Variants in FAN1 observed in about 807,000 individuals in gnomAD.
FAN1 encodes the protein fanconi-associated nuclease 1.
In FAN1, 91 loss-of-function variants were observed where a neutral mutation model predicts 104.9. The observed-to-expected ratio is 0.87, with a 90% CI of 0.73 to 1.03. FAN1 has a LOEUF of 1.03. Ranked by LOEUF, FAN1 falls within the 50% of genes least tolerant of loss-of-function variation. FAN1 has a pLI of 0.00. For missense variants in FAN1, 1,263 were observed against 1,239.9 expected, an observed-to-expected ratio of 1.02 and a Z score of -0.28; for synonymous variants, 478 against 457.6, an observed-to-expected ratio of 1.04 and a Z score of -0.57.
intron 13 of FAN1, among the ~76,000 whole-genome samples, chr15:30,930,913 T>G (rs1413267814): frequency 6.6e-6 from 1 of 152,130 alleles, no homozygotes; most frequent in Non-Finnish European, 1.5e-5. Flanking sequence ...GATGTGGACA[T>G]GATGTTCCAT....
At position 30,905,733 on chromosome 15, in the gene FAN1, T is replaced by C. The variant is rs751500554; in HGVS notation, c.1070T>C (p.Leu357Ser). 1.9e-6 allele frequency: 3 copies of C among 1,614,102 alleles called. No individual in the cohort carries two copies. The highest frequency in any genetic ancestry group is 2.2e-5 in the East Asian group (1 of 44,906). Residue 357 changes from leucine (L) to serine (S), a missense_variant, in exon 2 of 15, where the codon TTG (leucine) becomes TCG (serine). Around this residue, in one of 2 missense-constraint regions of FAN1, gnomAD observed 682 missense variants for 571.1 expected, o/e 1.19. Coordinates refer to ENST00000362065, the MANE Select transcript of FAN1 (RefSeq NM_014967.5). ...AATGATATCCCTCACAGCATTCCTT[T>C]GGAGCAGGGGTCAAGCTGCAATGGT... ...LNNDIPHSIP[L>S]EQGSSCNGPG...
chr15:30,918,778 A>G (rs2955797), intron 6 of FAN1, among the ~76,000 whole-genome samples: 99,543 of 152,080 alleles, frequency 0.65, 33,165 homozygotes, highest in East Asian at 0.98. Context: ...TTCAATATTT[A>G]TTAAGACATT....
rs745320524 is a variant in FAN1, at chr15:30,908,239, T to G, written c.1356T>G (p.Asn452Lys). Residue 452 changes from asparagine to lysine, a missense_variant, in exon 3 of 15, where the codon AAT (asparagine) becomes AAG (lysine). Asn to Lys is a moderately conservative substitution (Grantham distance 94, BLOSUM62 0). Transcript: ENST00000362065. Reference protein sequence around the residue: ...DLTPVIEELTNAGFLQTESEL... With the variant: ...DLTPVIEELTKAGFLQTESEL... ...CACCTGTGATTGAAGAATTGACGAATGCAGGCTTTCTACAGACAGGTATGA... is the reference window on the plus strand; with the variant it reads ...CACCTGTGATTGAAGAATTGACGAAGGCAGGCTTTCTACAGACAGGTATGA... The G allele has an allele frequency of 8.1e-5, 130 of 1,606,640 alleles. 1 individual carries two copies. In the South Asian group the frequency reaches 1.3e-3, roughly 17 times the overall value.
intron 3 of FAN1, among the ~76,000 whole-genome samples, chr15:30,910,192 C>A (rs942738890): frequency 6.6e-6 from 1 of 152,200 alleles, no homozygotes; most frequent in African/African-American, 2.4e-5. Flanking sequence ...AACAGGCTCA[C>A]GAATGCCGAG....
At chr15:30,935,680 G>A (rs576797466) in intron 13 of FAN1, among the ~76,000 whole-genome samples, 6 of 152,250 alleles carry the variant, frequency 3.9e-5, no homozygotes, top group Admixed American at 3.9e-4. Flanking sequence ...CTGAGGGATG[G>A]CTGTATTTAG....
In FAN1 at chr15:30,939,592, C is replaced by T. The variant is rs998688332; in HGVS notation, c.*4-1974C>T. The T allele has an allele frequency of 6.4e-6, 6 of 940,760 alleles. No individual in the cohort carries two copies. In the African/African-American group the frequency reaches 1.1e-4, roughly 17 times the overall value. 58.3% of individuals were successfully genotyped at this position (940,760 alleles called of 1,614,324 possible). A position where few individuals can be genotyped will look rare whatever the true frequency, so the allele number is the denominator to read the frequency against. On this transcript the variant is annotated intron_variant, in intron 14 of 14. Coordinates refer to ENST00000362065, the MANE Select transcript of FAN1 (RefSeq NM_014967.5). ...AAATATGCATTTTTCTATTTTTAAC[C>T]ATTATTAATAGTACCTAATATTTTT...
chr15:30,905,217 A>T lies in FAN1; in HGVS notation c.554A>T (p.Lys185Ile), dbSNP rs779675652. 8.1e-6 allele frequency: 13 copies of T among 1,613,934 alleles called. No individual in the cohort carries two copies. Among genetic ancestry groups the T allele is most frequent in the Non-Finnish European group, 1.1e-5 (13 of 1,179,962 alleles). Reference protein sequence around the residue: ...EFAGSSPQSSKSTVVKSLIDN... With the variant: ...EFAGSSPQSSISTVVKSLIDN... The stretch of plus-strand genomic sequence containing the variant: ...GCCGGTTCTAGTCCACAGAGTTCCA[A>T]ATCCACAGTTGTTAAGAGCCTGATT... Residue 185 changes from lysine to isoleucine, a missense_variant, in exon 2 of 15, where the codon AAA becomes ATA. By Grantham distance (102) the Lys-to-Ile change is moderately radical. Around this residue, in one of 2 missense-constraint regions of FAN1, gnomAD observed 682 missense variants for 571.1 expected, o/e 1.19. Transcript: ENST00000362065.
chr15:30,922,559 T>G (rs1190708776), intron 8 of FAN1, among the ~76,000 whole-genome samples: 1 of 152,196 alleles, frequency 6.6e-6, no homozygotes, highest in South Asian at 2.1e-4. Flanking sequence ...GAAGCTTTTG[T>G]CTTCTCTTTG....
chr15:30,942,048 C>T lies in FAN1; in HGVS notation c.*486C>T. ...CCATTCTTTAAGGCAGACGGCATTC[C>T]TCTTAGTGTGGAGCTGTAGCTTTTC... On this transcript the variant is annotated 3_prime_UTR_variant, in exon 15 of 15. Coordinates refer to ENST00000362065, the MANE Select transcript of FAN1 (RefSeq NM_014967.5). 6.2e-7 allele frequency: 1 copy of T among 1,613,836 alleles called. No homozygotes were observed. Among genetic ancestry groups the T allele is most frequent in the Non-Finnish European group, 8.5e-7 (1 of 1,179,804 alleles).
chr15:30,943,093 T>TA lies in FAN1; in HGVS notation c.*1532dup. The TA allele has an allele frequency of 6.5e-7, 1 of 1,529,348 alleles. No individual in the cohort carries two copies. Among genetic ancestry groups the TA allele is most frequent in the South Asian group, 1.2e-5 (1 of 80,250 alleles). The allele number at this position is 1,529,348 out of a possible 1,614,324, so 94.7% of individuals were successfully genotyped here. On this transcript the variant is annotated 3_prime_UTR_variant, in exon 15 of 15. Coordinates refer to ENST00000362065, the MANE Select transcript of FAN1 (RefSeq NM_014967.5). Reference sequence around the variant, plus strand: ...AATTCCTGCAAAATAAATAAATAAATATTTGCAAAACTAAAGATTCTCTCA... The same window carrying TA: ...AATTCCTGCAAAATAAATAAATAAATAATTTGCAAAACTAAAGATTCTCTCA...
chr15:30,916,458 C>T (rs752327485), intron 5 of FAN1, among the ~76,000 whole-genome samples: 9 of 152,118 alleles, frequency 5.9e-5, no homozygotes, highest in South Asian at 4.1e-4. Flanking sequence ...CCATGGTTGA[C>T]AAGTTCAAAA....
chr15:30,925,070 A>G (rs1047226863), intron 8 of FAN1, 57 bp from the exon 9 acceptor site: 8 of 1,541,094 alleles, frequency 5.2e-6, no homozygotes, highest in Admixed American at 2.0e-5. Context: ...AACTAAATGC[A>G]TGGAAGCCGC....
intron 8 of FAN1, among the ~76,000 whole-genome samples, chr15:30,924,483 C>T (rs751052616): frequency 2.6e-5 from 4 of 152,178 alleles, no homozygotes; most frequent in Non-Finnish European, 5.9e-5. Context: ...TCTCTACCTC[C>T]TTGTCAATGC....
At position 30,928,647 on chromosome 15, in the gene FAN1, C is replaced by A; in HGVS notation, c.2583C>A (p.Asn861Lys). The A allele has an allele frequency of 6.2e-7, 1 of 1,613,970 alleles. No individual in the cohort carries two copies. The highest frequency in any genetic ancestry group is 8.5e-7 in the Non-Finnish European group (1 of 1,179,984). ...FMDGIPDVFRNACQAFPLDLC... is the reference protein window; with the variant it reads ...FMDGIPDVFRKACQAFPLDLC... ...ATGGGATTCCGGATGTCTTCAGAAA[C>A]GCCTGTCAGGTACTCCAGTGCCCCT... Residue 861 changes from asparagine (N) to lysine (K), a missense_variant, in exon 11 of 15, where the codon AAC (asparagine) becomes AAA (lysine). Asn to Lys is a moderately conservative substitution (Grantham distance 94). Around this residue, in one of 2 missense-constraint regions of FAN1, gnomAD observed 581 missense variants for 668.8 expected, o/e 0.87. Transcript: ENST00000362065.
intron 14 of FAN1, chr15:30,939,822 G>GA: frequency 1.0e-6 from 1 of 985,198 alleles, no homozygotes; most frequent in Non-Finnish European, 1.2e-6. Context: ...TTCTAATCAA[G>GA]GACTGTAAAA....
At chr15:30,913,771 CTTTAT>C in intron 4 of FAN1, 82 bp from the exon 5 acceptor site, 1 of 898,924 alleles carries the variant, frequency 1.1e-6, no homozygotes, top group Non-Finnish European at 1.7e-6. Flanking sequence ...TGTCATTTCT[CTTTAT>C]TTTAGATGAA....
rs983684737 is a variant in FAN1 at position 30,942,963 on chromosome 15, T to C, written c.*1401T>C. ...GCTCTTTCCAATGTAGAAGGGGTTA[T>C]GGAAAAGGGTGCGATCCTTTGCTGT... is the stretch of plus-strand genomic sequence containing the variant. On this transcript the variant is annotated 3_prime_UTR_variant, in exon 15 of 15. Transcript: ENST00000362065. The C allele has an allele frequency of 6.4e-7, 1 of 1,559,466 alleles. No homozygotes were observed. The highest frequency in any genetic ancestry group is 8.7e-7 in the Non-Finnish European group (1 of 1,150,012).
chr15:30,943,070 T>A lies in FAN1; in HGVS notation c.*1508T>A. ...ATTGGATGTTTTTGCTTATAGCAAATTCCTGCAAAATAAATAAATAAATAT... is the reference window on the plus strand; with the variant it reads ...ATTGGATGTTTTTGCTTATAGCAAAATCCTGCAAAATAAATAAATAAATAT... On this transcript the variant is annotated 3_prime_UTR_variant, in exon 15 of 15. Coordinates refer to ENST00000362065, the MANE Select transcript of FAN1 (RefSeq NM_014967.5). 1 of 1,526,728 alleles carries A rather than the reference T, an allele frequency of 6.5e-7. No individual in the cohort carries two copies. The highest frequency in any genetic ancestry group is 8.8e-7 in the Non-Finnish European group (1 of 1,140,376). The allele number at this position is 1,526,728 out of a possible 1,614,324, so 94.6% of individuals were successfully genotyped here. A position where few individuals can be genotyped will look rare whatever the true frequency, so the allele number is the denominator to read the frequency against.
chr15:30,926,840 A>G (rs868018392), intron 10 of FAN1: 1 of 985,078 alleles, frequency 1.0e-6, no homozygotes, highest in East Asian at 1.1e-4. Flanking sequence ...AGTAGAAACT[A>G]TTTTTCCCTG....
Sources: allele counts gnomAD v4.1 joint callset (sites outside exome capture counted in the v4.1 genomes callset), GRCh38; gene constraint gnomAD v4.1.1; regional missense constraint gnomAD v4.1.1; transcripts MANE v1.5; gene names NCBI Gene and HGNC (gene_info 2026-07-23, HGNC 2026-07-21).